Variants in BIN1 observed in about 807,000 individuals in gnomAD.
BIN1 encodes the protein myc box-dependent-interacting protein 1.
Under a neutral mutation model 82.0 loss-of-function variants are expected in BIN1, and 53 were observed. The observed-to-expected ratio is 0.65, with a 90% CI of 0.52 to 0.81. BIN1 has a LOEUF of 0.81. BIN1 is among the 40% of genes least tolerant of loss of function. The pLI is 0.00. For missense variants in BIN1, 642 were observed against 784.4 expected (o/e 0.82, Z 2.17); for synonymous variants, 302 against 328.0 (o/e 0.92, Z 0.86).
Position 127,059,179 on chromosome 2 carries a change from A to G in BIN1, c.858-24T>C. On this transcript the variant is annotated intron_variant, in intron 10 of 18. Coordinates refer to ENST00000316724, the MANE Select transcript of BIN1 (RefSeq NM_139343.3). The surrounding 1 kb of genome is among the most constrained non-coding windows in gnomAD (Gnocchi z 6.7). Reference sequence around the variant, plus strand: ...CACTGTGGGGGAGGACAAGAAAGGGAGCCCAGTGTTGGGGGGCCAAGGCAC... The same window carrying G: ...CACTGTGGGGGAGGACAAGAAAGGGGGCCCAGTGTTGGGGGGCCAAGGCAC... The G allele has an allele frequency of 6.4e-7, 1 of 1,559,796 alleles. No homozygotes were observed. The highest frequency in any genetic ancestry group is 8.7e-7 in the Non-Finnish European group (1 of 1,152,818).
chr2:127,060,676 T>C lies in BIN1; in HGVS notation c.857+1439A>G, dbSNP rs114789649. ...GGACGGGAGGTGGAGGCCTTCATTC[T>C]GGAGAAAGGCCAGGTGCAGAACTGG... On this transcript the variant is annotated intron_variant, in intron 10 of 18. Transcript: ENST00000316724. The C allele has an allele frequency of 1.8e-4, 296 of 1,613,464 alleles. No homozygotes were observed. In the African/African-American group the frequency reaches 3.5e-3, roughly 19 times the overall value.
chr2:127,096,607 T>G (rs377647492), intron 1 of BIN1, among the ~76,000 whole-genome samples: 2 of 152,098 alleles, frequency 1.3e-5, no homozygotes, highest in Non-Finnish European at 2.9e-5. Flanking sequence ...CCTTTGCCCA[T>G]CTGCCTGTGG....
chr2:127,052,648 T>A (rs1326390083), intron 14 of BIN1: 1 of 468,710 alleles, frequency 2.1e-6, no homozygotes, highest in Admixed American at 3.6e-5. Context: ...CTTTCTGGCT[T>A]CCTCCAGAGG....
In BIN1 at chr2:127,050,229, C is replaced by T. The variant is rs114740593; in HGVS notation, c.1674+192G>A. The stretch of plus-strand genomic sequence containing the variant: ...GAGAGAGGCCTAACAGGAGAGGGGC[C>T]AAGGGAAGGGAGAGGAGAGGGAGAG... On this transcript the variant is annotated intron_variant, in intron 18 of 18. Coordinates refer to ENST00000316724, the MANE Select transcript of BIN1 (RefSeq NM_139343.3). Among the ~76,000 whole-genome samples the T allele has an allele frequency of 4.6e-3, 697 of 152,158 alleles. 6 individuals are homozygous for T. The highest frequency in any genetic ancestry group is 0.016 in the African/African-American group (675 of 41,514).
Position 127,057,570 on chromosome 2 carries a change from G to A in BIN1, c.1034C>T (p.Pro345Leu). 1 of 1,541,170 alleles carries A rather than the reference G, an allele frequency of 6.5e-7. No individual in the cohort carries two copies. The highest frequency in any genetic ancestry group is 8.8e-7 in the Non-Finnish European group (1 of 1,139,932). Residue 345 changes from proline (P) to leucine (L), a missense_variant, in exon 12 of 19, where the codon CCC becomes CTC. Transcript: ENST00000316724. The surrounding 1 kb of genome is among the most constrained non-coding windows in gnomAD (Gnocchi z 5.0). ...GACTTCCTTGGACGGGGTGTGTTTG[G>A]GAGGCGGAGGGACTGGTGGGCCTTT... ...LRKGPPVPPPPKHTPSKEVKQ... is the reference protein window; with the variant it reads ...LRKGPPVPPPLKHTPSKEVKQ...
intron 15 of BIN1, 54 bp downstream of exon 15, chr2:127,052,201 T>C (rs2104878113): frequency 1.3e-6 from 2 of 1,517,970 alleles, no homozygotes; most frequent in South Asian, 2.4e-5. Flanking sequence ...CCTTCCATGC[T>C]GCACCCCTAG....
At chr2:127,102,800 A>G (rs1197054994) in intron 1 of BIN1, among the ~76,000 whole-genome samples, 1 of 152,252 alleles carries the variant, frequency 6.6e-6, no homozygotes, top group African/African-American at 2.4e-5. Context: ...GCAGGGTGAG[A>G]TGAACCATCT....
intron 2 of BIN1, 123 bp from the exon 3 acceptor site, chr2:127,070,939 G>T: frequency 1.0e-6 from 1 of 966,584 alleles, no homozygotes; most frequent in Non-Finnish European, 1.6e-6. Context: ...CCACTGATCA[G>T]CTGACCTCCC....
chr2:127,050,863 C>G lies in BIN1; in HGVS notation c.1511G>C (p.Gly504Ala). Reference sequence around the variant, plus strand: ...GGCCCCACTGCCGCCCTCCACGGTGCCATTCACAGTTGCTGGGAAGGTCTC... The same window carrying G: ...GGCCCCACTGCCGCCCTCCACGGTGGCATTCACAGTTGCTGGGAAGGTCTC... ...VVETFPATVNGTVEGGSGAGR... is the reference protein window; with the variant it reads ...VVETFPATVNATVEGGSGAGR... The change falls in exon 17 of 19, where the codon GGC becomes GCC. Residue 504 changes from glycine (G) to alanine (A), a missense_variant. Transcript: ENST00000316724. 1 of 1,613,920 alleles carries G rather than the reference C, an allele frequency of 6.2e-7. No individual in the cohort carries two copies. The highest frequency in any genetic ancestry group is 2.2e-5 in the East Asian group (1 of 44,884).
At chr2:127,094,084 C>A (rs982825815) in intron 1 of BIN1, among the ~76,000 whole-genome samples, 1 of 152,188 alleles carries the variant, frequency 6.6e-6, no homozygotes, top group Non-Finnish European at 1.5e-5. Flanking sequence ...ATGGAGACAC[C>A]TGTTCTCCCG....
At chr2:127,069,628 A>ATGACAT (rs1227241649) in intron 5 of BIN1, among the ~76,000 whole-genome samples, 1 of 152,076 alleles carries the variant, frequency 6.6e-6, no homozygotes, top group African/African-American at 2.4e-5. Context: ...TACCCTTCCA[A>ATGACAT]GCACCCATGG....
Position 127,048,187 on chromosome 2 carries a change from G to A in BIN1, c.*339C>T. ...GCCAGGAAAAGAGGACCCTTGCCCGGGTGGCGCGGCCGAAGCTTCAGGCAA... is the reference window on the plus strand; with the variant it reads ...GCCAGGAAAAGAGGACCCTTGCCCGAGTGGCGCGGCCGAAGCTTCAGGCAA... On this transcript the variant is annotated 3_prime_UTR_variant, in exon 19 of 19. Coordinates refer to ENST00000316724, the MANE Select transcript of BIN1 (RefSeq NM_139343.3). The A allele has an allele frequency of 2.7e-6, 1 of 373,322 alleles. No homozygotes were observed. Among genetic ancestry groups the A allele is most frequent in the Non-Finnish European group, 5.1e-6 (1 of 196,890 alleles). 23.1% of individuals were successfully genotyped at this position (373,322 alleles called of 1,614,324 possible). A position where few individuals can be genotyped will look rare whatever the true frequency, so the allele number is the denominator to read the frequency against.
At chr2:127,105,546 G>C (rs1680985316) in intron 1 of BIN1, among the ~76,000 whole-genome samples, 1 of 150,418 alleles carries the variant, frequency 6.6e-6, no homozygotes, top group Non-Finnish European at 1.5e-5. Context: ...GGGCAAACCT[G>C]GACTTGGCTG....
At chr2:127,053,544 C>T (rs998713902) in intron 13 of BIN1, 99 bp from the exon 14 acceptor site, 3 of 1,490,916 alleles carry the variant, frequency 2.0e-6, no homozygotes, top group Non-Finnish European at 2.8e-6. Flanking sequence ...CGCCCCAGGC[C>T]ATCCAGCCCA....
intron 1 of BIN1, among the ~76,000 whole-genome samples, chr2:127,083,261 GTAGA>G (rs1687536732): frequency 6.6e-6 from 1 of 151,784 alleles, no homozygotes; most frequent in Non-Finnish European, 1.5e-5. Flanking sequence ...TTTACTTTTT[GTAGA>G]GACAGGGCCT....
chr2:127,095,155 A>G (rs1679431241), intron 1 of BIN1, among the ~76,000 whole-genome samples: 1 of 152,240 alleles, frequency 6.6e-6, no homozygotes, highest in Admixed American at 6.5e-5. Context: ...AAATGCATCC[A>G]ATTAATTGTG....
rs574772580 is a variant in BIN1 at position 127,067,465 on chromosome 2, A to G, written c.612+698T>C. On this transcript the variant is annotated intron_variant, in intron 7 of 18. Coordinates refer to ENST00000316724, the MANE Select transcript of BIN1 (RefSeq NM_139343.3). The surrounding 1 kb of genome is among the most constrained non-coding windows in gnomAD (Gnocchi z 4.7). ...TGGTGAGATGGCCCAGGAGTTTTGT[A>G]AAAAAGCCTCCTCCGGGAAGCCCCC... is the stretch of plus-strand genomic sequence containing the variant. 6.0e-4 allele frequency among the ~76,000 whole-genome samples: 91 copies of G among 152,220 alleles called. 1 individual carries two copies. Among genetic ancestry groups the G allele is most frequent in the Admixed American group, 5.8e-3 (89 of 15,282 alleles).
intron 1 of BIN1, among the ~76,000 whole-genome samples, chr2:127,094,086 G>A (rs1357366314): frequency 6.6e-6 from 1 of 152,172 alleles, no homozygotes; most frequent in Non-Finnish European, 1.5e-5. Flanking sequence ...GGAGACACCT[G>A]TTCTCCCGTT....
In BIN1 at chr2:127,082,407, G is replaced by T. The variant is rs1424803290; in HGVS notation, c.85-5701C>A. ...GGTCACAAGCTCTGAGGCCTTGCAG[G>T]CACTCAGCTGGGGATACCAGGGACA... On this transcript the variant is annotated intron_variant, in intron 1 of 18. Transcript: ENST00000316724. The surrounding 1 kb of genome is among the most constrained non-coding windows in gnomAD (Gnocchi z 6.1). 6.6e-6 allele frequency among the ~76,000 whole-genome samples: 1 copy of T among 152,182 alleles called. No homozygotes were observed. The highest frequency in any genetic ancestry group is 2.1e-4 in the South Asian group (1 of 4,834).
Sources: allele counts gnomAD v4.1 joint callset (sites outside exome capture counted in the v4.1 genomes callset), GRCh38; gene constraint gnomAD v4.1.1; non-coding constraint Gnocchi (gnomAD v3.1); transcripts MANE v1.5; gene names NCBI Gene and HGNC (gene_info 2026-07-23, HGNC 2026-07-21).